ATOH8: variants seen among roughly 807,000 people sequenced by gnomAD.
The protein encoded by ATOH8 is atonal bHLH transcription factor 8.
In ATOH8, 9 loss-of-function variants were observed where a neutral mutation model predicts 21.2. That is an observed-to-expected ratio of 0.42 (90% CI 0.26 to 0.74). The LOEUF (loss-of-function observed/expected upper bound fraction) is 0.74. Ranked by LOEUF, ATOH8 falls within the 30% of genes least tolerant of loss-of-function variation. ATOH8 has a pLI of 0.24. For synonymous variants in ATOH8, 253 were observed against 224.0 expected, an observed-to-expected ratio of 1.13 and a Z score of -1.16; for missense variants, 524 against 470.9, an observed-to-expected ratio of 1.11 and a Z score of -1.04.
rs564271349 is a variant in ATOH8, at chr2:85,781,734, C to T, written c.961-5151C>T. Among the ~76,000 whole-genome samples, 9 of 151,754 alleles carry T rather than the reference C, an allele frequency of 5.9e-5. No homozygotes were observed. The South Asian group carries it at 1.9e-3, about 32-fold the overall frequency. On this transcript the variant is annotated intron_variant, in intron 2 of 2. Transcript: ENST00000306279. ...CTACAAAAGATAAAAAAAAACTAGCCAGGTGTGGTGGCATGAGCCTGTGGT... is the reference window on the plus strand; with the variant it reads ...CTACAAAAGATAAAAAAAAACTAGCTAGGTGTGGTGGCATGAGCCTGTGGT...
chr2:85,789,202 C>T lies in ATOH8; in HGVS notation c.*2312C>T, dbSNP rs957527188. 2.6e-5 allele frequency among the ~76,000 whole-genome samples: 4 copies of T among 152,184 alleles called. No individual in the cohort carries two copies. Among genetic ancestry groups the T allele is most frequent in the African/African-American group, 9.7e-5 (4 of 41,444 alleles). ...AAAGAGCCCATCCTCCACCTCCCAT[C>T]CCCCTCCTGCATACATACTTCATTA... On this transcript the variant is annotated 3_prime_UTR_variant, in exon 3 of 3. Transcript: ENST00000306279.
At chr2:85,777,261 AGCCT>A (rs1280895369) in intron 2 of ATOH8, among the ~76,000 whole-genome samples, 1 of 152,206 alleles carries the variant, frequency 6.6e-6, no homozygotes, top group African/African-American at 2.4e-5. Context: ...CACTGCACTT[AGCCT>A]GCATACAGTT....
At chr2:85,779,420 C>G (rs1573536543) in intron 2 of ATOH8, among the ~76,000 whole-genome samples, 1 of 152,232 alleles carries the variant, frequency 6.6e-6, no homozygotes, top group Admixed American at 6.5e-5. Context: ...AGCTCGGCAG[C>G]CAGAGAGAGT....
intron 2 of ATOH8, among the ~76,000 whole-genome samples, chr2:85,784,106 C>G (rs1324481710): frequency 6.6e-6 from 1 of 152,184 alleles, no homozygotes; most frequent in Non-Finnish European, 1.5e-5. Context: ...CCCCTGCTGA[C>G]CTTTGCAAGC....
chr2:85,784,232 A>T (rs1267053998), intron 2 of ATOH8, among the ~76,000 whole-genome samples: 1 of 152,134 alleles, frequency 6.6e-6, no homozygotes, highest in Admixed American at 6.5e-5. Flanking sequence ...CTCACAATGC[A>T]GTAGCAATTA....
Position 85,754,434 on chromosome 2 carries a change from C to T in ATOH8, c.245C>T (p.Pro82Leu). 1 of 1,525,448 alleles carries T rather than the reference C, an allele frequency of 6.6e-7. No individual in the cohort carries two copies. The highest frequency in any genetic ancestry group is 8.8e-7 in the Non-Finnish European group (1 of 1,142,500). 94.5% of individuals were successfully genotyped at this position (1,525,448 alleles called of 1,614,324 possible). A position where few individuals can be genotyped will look rare whatever the true frequency, so the allele number is the denominator to read the frequency against. Residue 82 changes from proline to leucine, a missense_variant, in exon 1 of 3, where the codon CCG becomes CTG. Transcript: ENST00000306279. ...VPVPVPVPVA[P>L]AVPPRGGTDT... ...GTGCCGGTGCCAGTCCCAGTGGCGC[C>T]GGCCGTTCCCCCAAGAGGGGGCACG...
intron 2 of ATOH8, chr2:85,774,517 C>T (rs1381367192): frequency 1.0e-6 from 1 of 985,446 alleles, no homozygotes; most frequent in African/African-American, 1.7e-5. Context: ...AAGTCGGGAG[C>T]CATTCTCTCC....
intron 2 of ATOH8, among the ~76,000 whole-genome samples, chr2:85,779,629 G>A (rs1231331637): frequency 6.6e-6 from 1 of 152,242 alleles, no homozygotes; most frequent in Non-Finnish European, 1.5e-5. Context: ...GGGACCTGCC[G>A]TTCCTGTTTG....
At chr2:85,770,139 T>C (rs1415071917) in intron 2 of ATOH8, among the ~76,000 whole-genome samples, 1 of 152,196 alleles carries the variant, frequency 6.6e-6, no homozygotes, top group Non-Finnish European at 1.5e-5. Context: ...GGCATGTGCT[T>C]GGTGCTTCCC....
intron 1 of ATOH8, among the ~76,000 whole-genome samples, chr2:85,761,899 C>T (rs1679881216): frequency 1.3e-5 from 2 of 152,190 alleles, no homozygotes; most frequent in Admixed American, 1.3e-4. Context: ...TTTGGAGCTG[C>T]AGCCAGGGCT....
chr2:85,774,106 G>A (rs1364071488), intron 2 of ATOH8: 4 of 985,326 alleles, frequency 4.1e-6, no homozygotes, highest in Admixed American at 1.2e-4. Context: ...ACGTAATATT[G>A]TTTTGCAAAA....
rs1482104994 is a variant in ATOH8, at chr2:85,766,131, A to G, written c.960+1949A>G. ...ACTCATGGGCCACCGTGAAGATGAA[A>G]GGAGTTACTGCAGGAGAGCGTGTGG... On this transcript the variant is annotated intron_variant, in intron 2 of 2. Coordinates refer to ENST00000306279, the MANE Select transcript of ATOH8 (RefSeq NM_032827.7). This position sits in a 1 kb window ranked among gnomAD's most constrained non-coding sequence, Gnocchi z 4.0. Among the ~76,000 whole-genome samples the G allele has an allele frequency of 6.6e-6, 1 of 151,952 alleles. No individual in the cohort carries two copies. The highest frequency in any genetic ancestry group is 1.5e-5 in the Non-Finnish European group (1 of 67,994).
chr2:85,789,392 G>T lies in ATOH8; in HGVS notation c.*2502G>T, dbSNP rs576268911. Among the ~76,000 whole-genome samples, 9 of 152,286 alleles carry T rather than the reference G, an allele frequency of 5.9e-5. No individual in the cohort carries two copies. The highest frequency in any genetic ancestry group is 8.8e-5 in the Non-Finnish European group (6 of 68,014). On this transcript the variant is annotated 3_prime_UTR_variant, in exon 3 of 3. Transcript: ENST00000306279. ...GACAGGTAGACAAGCAAATAATTAT[G>T]ATTATAGCAGATGACTAAGGTGTTG... is the stretch of plus-strand genomic sequence containing the variant.
chr2:85,771,262 G>A (rs577803104), intron 2 of ATOH8, among the ~76,000 whole-genome samples: 3 of 152,228 alleles, frequency 2.0e-5, no homozygotes, highest in Admixed American at 2.0e-4. Context: ...TGTCACTCTC[G>A]CTCTGTGGCC....
At chr2:85,786,780 G>A in intron 2 of ATOH8, 105 bp from the exon 3 acceptor site, 1 of 1,552,386 alleles carries the variant, frequency 6.4e-7, no homozygotes, top group Admixed American at 1.7e-5. Context: ...TCAAGGTGGG[G>A]GCCCCTCTGC....
intron 2 of ATOH8, among the ~76,000 whole-genome samples, chr2:85,784,071 G>T (rs970204178): frequency 6.6e-6 from 1 of 152,162 alleles, no homozygotes; most frequent in Non-Finnish European, 1.5e-5. Context: ...ATTAGCAGGC[G>T]TCTAGAGGGC....
chr2:85,772,626 C>G (rs891901355), intron 2 of ATOH8: 9 of 436,222 alleles, frequency 2.1e-5, no homozygotes, highest in African/African-American at 1.0e-4. Context: ...AGAGCCTCAT[C>G]ATCACTCAGG....
intron 1 of ATOH8, among the ~76,000 whole-genome samples, chr2:85,761,550 C>T (rs1447528485): frequency 2.6e-5 from 4 of 152,184 alleles, no homozygotes; most frequent in Non-Finnish European, 5.9e-5. Flanking sequence ...CGTACAGATC[C>T]CTTCCAAAAT....
chr2:85,758,327 G>T (rs928647791), intron 1 of ATOH8, among the ~76,000 whole-genome samples: 1 of 152,252 alleles, frequency 6.6e-6, no homozygotes. Context: ...GAGTTTCAGA[G>T]AGCTTATGTA....
Sources: allele counts gnomAD v4.1 joint callset (sites outside exome capture counted in the v4.1 genomes callset), GRCh38; gene constraint gnomAD v4.1.1; non-coding constraint Gnocchi (gnomAD v3.1); transcripts MANE v1.5; gene names NCBI Gene and HGNC (gene_info 2026-07-23, HGNC 2026-07-21).